TUB: variants seen among roughly 807,000 people sequenced by gnomAD.
TUB encodes TUB bipartite transcription factor, also known as tubby protein homolog.
In TUB, 33 loss-of-function variants were observed where a neutral mutation model predicts 59.7. The observed-to-expected ratio is 0.55, with a 90% CI of 0.42 to 0.74. The LOEUF (loss-of-function observed/expected upper bound fraction) is 0.74. TUB is among the 30% of genes least tolerant of loss of function. The pLI is 0.00. For missense variants in TUB, 659 were observed against 672.0 expected (o/e 0.98, Z 0.21); for synonymous variants, 293 against 256.4 (o/e 1.14, Z -1.36).
intron 2 of TUB, among the ~76,000 whole-genome samples, chr11:8,056,364 G>A (rs1943021595): frequency 6.6e-6 from 1 of 152,186 alleles, no homozygotes; most frequent in African/African-American, 2.4e-5. Flanking sequence ...GGGAATGCCT[G>A]TGCGTGGGGG....
chr11:8,022,543 C>T (rs960485421), intron 1 of TUB, among the ~76,000 whole-genome samples: 2 of 152,214 alleles, frequency 1.3e-5, no homozygotes, highest in East Asian at 3.9e-4. Flanking sequence ...ATGTGCATGT[C>T]AGTTATCTAT....
At chr11:8,052,165 A>G (rs758268098) in intron 2 of TUB, among the ~76,000 whole-genome samples, 2 of 152,210 alleles carry the variant, frequency 1.3e-5, no homozygotes, top group African/African-American at 4.8e-5. Flanking sequence ...GTCTTGGCTA[A>G]CTTGGAAAAC....
At chr11:8,042,519 T>G (rs1054321967) in intron 2 of TUB, among the ~76,000 whole-genome samples, 1 of 152,248 alleles carries the variant, frequency 6.6e-6, no homozygotes, top group Non-Finnish European at 1.5e-5. Flanking sequence ...TTTGAGGAAC[T>G]GTCAGAGTGT....
rs190585117 is a variant in TUB at position 8,041,480 on chromosome 11, G to A, written c.203+1788G>A. Among the ~76,000 whole-genome samples, 3 of 152,302 alleles carry A rather than the reference G, an allele frequency of 2.0e-5. No homozygotes were observed. The East Asian group carries it at 5.8e-4, about 29-fold the overall frequency. ...TCCAGCCACTTAGGGATATAGCAAAGCAAGAGAATCTTGGCTTGTTGTCTT... is the reference window on the plus strand; with the variant it reads ...TCCAGCCACTTAGGGATATAGCAAAACAAGAGAATCTTGGCTTGTTGTCTT... On this transcript the variant is annotated intron_variant, in intron 2 of 12. Coordinates refer to the TUB transcript ENST00000305253.
At chr11:8,099,805 GA>G (rs1239313335) in intron 9 of TUB, among the ~76,000 whole-genome samples, 1 of 142,062 alleles carries the variant, frequency 7.0e-6, no homozygotes, top group Non-Finnish European at 1.6e-5. Flanking sequence ...AGAAGGAAGT[GA>G]AAAACAGCAG....
At chr11:8,054,286 G>A (rs1288396590) in intron 2 of TUB, among the ~76,000 whole-genome samples, 1 of 152,120 alleles carries the variant, frequency 6.6e-6, no homozygotes, top group Non-Finnish European at 1.5e-5. Context: ...AGTTCATTGT[G>A]TTGAGATTTT....
In TUB at chr11:8,093,609, C is replaced by T. The variant is rs536077999; in HGVS notation, c.254-437C>T. 1.7e-3 allele frequency among the ~76,000 whole-genome samples: 265 copies of T among 152,288 alleles called. 2 individuals are homozygous for T. Among genetic ancestry groups the T allele is most frequent in the Non-Finnish European group, 6.9e-4 (47 of 68,026 alleles). On this transcript the variant is annotated intron_variant, in intron 3 of 11. Transcript: ENST00000299506. ...CTCCCATGGGCTCATCCCCGCAGAGCCCCCTCGTAGGCTCCCTGGAGTGCT... is the reference window on the plus strand; with the variant it reads ...CTCCCATGGGCTCATCCCCGCAGAGTCCCCTCGTAGGCTCCCTGGAGTGCT...
chr11:8,089,483 GCTCA>G (rs1943730249), intron 1 of TUB, 123 bp from the exon 2 acceptor site: 9 of 1,129,694 alleles, frequency 8.0e-6, no homozygotes, highest in East Asian at 2.4e-5. Flanking sequence ...TACCATGTGG[GCTCA>G]CTGAGTCCCA....
At chr11:8,080,802 C>G (rs1047179415), upstream of TUB, among the ~76,000 whole-genome samples, 8 of 152,296 alleles carry the variant, frequency 5.3e-5, no homozygotes, top group Middle Eastern at 3.4e-3. Flanking sequence ...TGAGGGAAGG[C>G]CAACCTCCAC....
At chr11:8,100,212 G>C (rs1348674185) in intron 9 of TUB, among the ~76,000 whole-genome samples, 1 of 152,196 alleles carries the variant, frequency 6.6e-6, no homozygotes, top group Non-Finnish European at 1.5e-5. Context: ...TGATGGATTA[G>C]ACGTAGGATG....
At chr11:8,071,336 A>G (rs1943356630) in intron 2 of TUB, among the ~76,000 whole-genome samples, 1 of 152,186 alleles carries the variant, frequency 6.6e-6, no homozygotes, top group Non-Finnish European at 1.5e-5. Context: ...TTTAACATAA[A>G]TTATCAGATG....
chr11:8,045,301 C>T (rs1262071190), intron 2 of TUB, among the ~76,000 whole-genome samples: 2 of 152,142 alleles, frequency 1.3e-5, no homozygotes, highest in African/African-American at 2.4e-5. Context: ...TTTAGAAGCT[C>T]TGTGTCAAGA....
At chr11:8,093,283 G>A (rs912929618) in intron 3 of TUB, among the ~76,000 whole-genome samples, 18 of 152,092 alleles carry the variant, frequency 1.2e-4, no homozygotes, top group African/African-American at 4.3e-4. Context: ...GCAGGAGCAA[G>A]GGCCCTGTGG....
intron 1 of TUB, among the ~76,000 whole-genome samples, chr11:8,024,044 G>T (rs1317702303): frequency 6.6e-6 from 1 of 152,168 alleles, no homozygotes; most frequent in Non-Finnish European, 1.5e-5. Flanking sequence ...CACATGAATT[G>T]CCAGCTCTCT....
chr11:8,094,285 G>C, intron 4 of TUB, 96 bp downstream of exon 4: 1 of 1,428,414 alleles, frequency 7.0e-7, no homozygotes, highest in Admixed American at 2.5e-5. Flanking sequence ...GGAGGGATAG[G>C]ATGAACAGCC....
rs763955737 is a variant in TUB at position 8,098,914 on chromosome 11, G to A, written c.1116+39G>A. 12 of 1,461,842 alleles carry A rather than the reference G, an allele frequency of 8.2e-6. No individual in the cohort carries two copies. In the South Asian group the frequency reaches 1.4e-4, roughly 17 times the overall value. 90.6% of individuals were successfully genotyped at this position (1,461,842 alleles called of 1,614,324 possible). On this transcript the variant is annotated intron_variant, in intron 9 of 11. Coordinates refer to ENST00000299506, the MANE Select transcript of TUB (RefSeq NM_177972.3). ...TCGGGGGTCTCTGATTTCCAAGGTA[G>A]ATATGAAATCCAGGACTTGATGCCT...
chr11:8,074,087 G>GT (rs1387969277), intron 2 of TUB, among the ~76,000 whole-genome samples: 1 of 119,096 alleles, frequency 8.4e-6, no homozygotes, highest in Non-Finnish European at 1.9e-5. Context: ...ATATATATGG[G>GT]TTTTTGTGGT....
chr11:8,052,792 T>C (rs774587108), intron 2 of TUB, among the ~76,000 whole-genome samples: 3 of 152,156 alleles, frequency 2.0e-5, no homozygotes, highest in Non-Finnish European at 2.9e-5. Flanking sequence ...TTTAATTATA[T>C]TTTTAAATTG....
intron 1 of TUB, among the ~76,000 whole-genome samples, chr11:8,021,851 G>C (rs990826304): frequency 6.6e-6 from 1 of 150,904 alleles, no homozygotes; most frequent in Non-Finnish European, 1.5e-5. Context: ...GGCAGGTGGA[G>C]CTTGCAGTGA....
Sources: gnomAD v4.1 joint callset for allele counts (sites outside exome capture counted in the v4.1 genomes callset) on GRCh38, gnomAD v4.1.1 for gene constraint, MANE v1.5 for transcripts, NCBI Gene and HGNC (gene_info 2026-07-23, HGNC 2026-07-21) for gene names.